The following MAML3 variants were observed in gnomAD, a reference collection of about 807,000 sequenced individuals.
MAML3 encodes mastermind-like protein 3.
In MAML3, 27 loss-of-function variants were observed where a neutral mutation model predicts 101.9. That is an observed-to-expected ratio of 0.27 (90% CI 0.20 to 0.37). MAML3 has a LOEUF of 0.37. Ranked by LOEUF, MAML3 falls within the 10% of genes least tolerant of loss-of-function variation. MAML3 has a pLI of 1.00. For synonymous variants in MAML3, 501 were observed against 555.9 expected (o/e 0.90, Z 1.39); for missense variants, 1,316 against 1,444.9 (o/e 0.91, Z 1.45).
chr4:140,025,872 G>C (rs1005968464), intron 1 of MAML3, among the ~76,000 whole-genome samples: 3 of 152,190 alleles, frequency 2.0e-5, no homozygotes, highest in Non-Finnish European at 2.9e-5. Flanking sequence ...CCATGGATTG[G>C]CTCTCAGTCC....
At chr4:140,076,803 C>T (rs1578672947) in intron 1 of MAML3, among the ~76,000 whole-genome samples, 1 of 152,188 alleles carries the variant, frequency 6.6e-6, no homozygotes, top group Non-Finnish European at 1.5e-5. Flanking sequence ...TGCATGGTTC[C>T]AGACAGCTCG....
intron 4 of MAML3, among the ~76,000 whole-genome samples, chr4:139,725,421 A>G (rs372109683): frequency 5.9e-5 from 9 of 152,194 alleles, no homozygotes; most frequent in African/African-American, 1.9e-4. Context: ...AGGCACCAGT[A>G]TATCTTTACT....
intron 2 of MAML3, among the ~76,000 whole-genome samples, chr4:139,757,125 C>A (rs1187530254): frequency 1.3e-5 from 2 of 152,140 alleles, no homozygotes; most frequent in Non-Finnish European, 2.9e-5. Flanking sequence ...TCATCTTCTG[C>A]CCGCCTCTCT....
chr4:139,954,992 AT>A (rs907716887), intron 1 of MAML3, among the ~76,000 whole-genome samples: 23 of 152,120 alleles, frequency 1.5e-4, no homozygotes, highest in Non-Finnish European at 3.1e-4. Flanking sequence ...AACATCTACC[AT>A]TTTTTTAAAA....
intron 1 of MAML3, among the ~76,000 whole-genome samples, chr4:140,053,337 C>T (rs1727300896): frequency 6.6e-6 from 1 of 152,166 alleles, no homozygotes; most frequent in African/African-American, 2.4e-5. Context: ...ACTCAGCATG[C>T]CCCTCGGACC....
chr4:139,917,752 A>G (rs1733052258), intron 1 of MAML3, among the ~76,000 whole-genome samples: 1 of 152,192 alleles, frequency 6.6e-6, no homozygotes, highest in Non-Finnish European at 1.5e-5. Flanking sequence ...AAGTTTTCAT[A>G]CCAAGGCTGC....
chr4:140,104,315 G>A (rs1453680774), intron 1 of MAML3, among the ~76,000 whole-genome samples: 2 of 103,192 alleles, frequency 1.9e-5, no homozygotes, highest in South Asian at 6.5e-4. Flanking sequence ...AGCTCAGGAG[G>A]TCAAGGCTGC....
intron 1 of MAML3, among the ~76,000 whole-genome samples, chr4:139,964,473 G>A (rs528016573): frequency 2.0e-5 from 3 of 152,012 alleles, no homozygotes; most frequent in Admixed American, 6.5e-5. Context: ...CTTAGAGGAC[G>A]GGTCAATAAG....
intron 1 of MAML3, among the ~76,000 whole-genome samples, chr4:140,042,377 G>A (rs1322193958): frequency 2.6e-5 from 4 of 152,166 alleles, no homozygotes; most frequent in African/African-American, 9.7e-5. Flanking sequence ...CCTCACGCCT[G>A]TAATCCCAGC....
intron 1 of MAML3, among the ~76,000 whole-genome samples, chr4:139,899,056 C>T (rs893360555): frequency 2.0e-5 from 3 of 152,206 alleles, no homozygotes; most frequent in Non-Finnish European, 4.4e-5. Context: ...GATTGGGACA[C>T]AAGGTGGGGG....
At chr4:139,835,866 G>A (rs1431337515) in intron 2 of MAML3, among the ~76,000 whole-genome samples, 2 of 152,156 alleles carry the variant, frequency 1.3e-5, no homozygotes, top group African/African-American at 2.4e-5. Context: ...CAATTTAAAC[G>A]CAAAGATGAT....
At chr4:139,860,758 A>G (rs879741413) in intron 2 of MAML3, among the ~76,000 whole-genome samples, 9 of 152,198 alleles carry the variant, frequency 5.9e-5, no homozygotes, top group Non-Finnish European at 1.2e-4. Flanking sequence ...CTACAGTATG[A>G]GGTATTGTAG....
intron 2 of MAML3, among the ~76,000 whole-genome samples, chr4:139,799,846 G>A (rs1730573457): frequency 6.6e-6 from 1 of 152,122 alleles, no homozygotes. Context: ...ATTTTTGGAG[G>A]AGGGGCTCTC....
chr4:140,128,754 C>T (rs192361799), intron 1 of MAML3, among the ~76,000 whole-genome samples: 145 of 152,288 alleles, frequency 9.5e-4, no homozygotes, highest in African/African-American at 2.2e-3. Flanking sequence ...CAACAACCAT[C>T]GCTAGTGGGC....
intron 1 of MAML3, among the ~76,000 whole-genome samples, chr4:140,082,859 T>G (rs112792789): frequency 1.3e-3 from 196 of 152,032 alleles, no homozygotes; most frequent in African/African-American, 4.4e-3. Flanking sequence ...TAGCCCTAAA[T>G]TCAAAAAGAA....
At chr4:139,847,261 C>T (rs2111151397) in intron 2 of MAML3, among the ~76,000 whole-genome samples, 1 of 152,220 alleles carries the variant, frequency 6.6e-6, no homozygotes, top group South Asian at 2.1e-4. Context: ...CTGGGTTAGC[C>T]TAGACCCCAG....
rs1732457905 is a variant in MAML3 at position 139,890,647 on chromosome 4, C to T, written c.789G>A (p.Glu263=). The T allele has an allele frequency of 6.2e-7, 1 of 1,613,780 alleles. No homozygotes were observed. Among genetic ancestry groups the T allele is most frequent in the African/African-American group, 1.3e-5 (1 of 74,900 alleles). ...KLPVNGCSDL[E]DSFTILQSKD... is the part of the protein sequence containing the mutation. ...TGCTCTGCAAGATGGTGAAGCTATC[C>T]TCCAGGTCACTGCAACCGTTGACAG... is the stretch of plus-strand genomic sequence containing the variant. The change falls in exon 2 of 5, where the codon GAG becomes GAA. Residue 263 remains glutamate (E), a synonymous_variant. Coordinates refer to ENST00000509479, the MANE Select transcript of MAML3 (RefSeq NM_018717.5). This position sits in a 1 kb window ranked among gnomAD's most constrained non-coding sequence, Gnocchi z 4.1.
chr4:139,725,607 T>A (rs763404354), intron 4 of MAML3, 144 bp downstream of exon 4: 5 of 799,730 alleles, frequency 6.3e-6, no homozygotes, highest in Non-Finnish European at 1.1e-5. Context: ...TCTGATTGGT[T>A]AGTACTCTTA....
chr4:139,787,466 T>C (rs543465821), intron 2 of MAML3, among the ~76,000 whole-genome samples: 2 of 152,204 alleles, frequency 1.3e-5, no homozygotes, highest in Non-Finnish European at 2.9e-5. Flanking sequence ...TCTTCAAAAA[T>C]GCCATTTTCC....
Sources: allele counts gnomAD v4.1 joint callset (sites outside exome capture counted in the v4.1 genomes callset), GRCh38; gene constraint gnomAD v4.1.1; non-coding constraint Gnocchi (gnomAD v3.1); transcripts MANE v1.5; gene names NCBI Gene and HGNC (gene_info 2026-07-23, HGNC 2026-07-21).